The following LSS variants were observed in gnomAD, a reference collection of about 807,000 sequenced individuals.
LSS encodes the protein lanosterol synthase, also known as 2,3-epoxysqualene-lanosterol cyclase.
Under a neutral mutation model 110.3 loss-of-function variants are expected in LSS, and 90 were observed. The observed-to-expected ratio is 0.82, with a 90% CI of 0.69 to 0.97. The LOEUF (loss-of-function observed/expected upper bound fraction) is 0.97. LSS is among the 50% of genes least tolerant of loss of function. LSS has a pLI of 0.00. For synonymous variants in LSS, 433 were observed against 400.0 expected, an observed-to-expected ratio of 1.08 and a Z score of -0.98; for missense variants, 927 against 990.0, an observed-to-expected ratio of 0.94 and a Z score of 0.85.
intron 20 of LSS, chr21:46,192,457 T>C (rs559841461): frequency 2.2e-6 from 1 of 453,200 alleles, no homozygotes; most frequent in African/African-American, 2.0e-5. Flanking sequence ...TTTAGGAAGA[T>C]TCCCCAAATG....
At position 46,209,695 on chromosome 21, in the gene LSS, G is replaced by A. The variant is rs969707404; in HGVS notation, c.1195-70C>T. The A allele has an allele frequency of 4.3e-6, 6 of 1,387,398 alleles. No individual in the cohort carries two copies. The highest frequency in any genetic ancestry group is 1.4e-5 in the African/African-American group (1 of 70,580). 85.9% of individuals were successfully genotyped at this position (1,387,398 alleles called of 1,614,324 possible). On this transcript the variant is annotated intron_variant, in intron 12 of 21. Transcript: ENST00000397728. The surrounding 1 kb of genome is among the most constrained non-coding windows in gnomAD (Gnocchi z 4.4). ...GCCAGCATGGCTGCGCTGGTTTCCC[G>A]ATGGTCCTGGCCACATCCTGCCCCA... is the stretch of plus-strand genomic sequence containing the variant.
At position 46,206,760 on chromosome 21, in the gene LSS, G is replaced by A. The variant is rs1239460730; in HGVS notation, c.1476C>T (p.Asn492=). ...CGAACCCTCCATCTGGATTTCTCAT[G>A]TTCAGCAGCTGAAATCACAGAGAGC... ...RLCDAVAVLL[N]MRNPDGGFAT... is the part of the protein sequence containing the mutation. The change falls in exon 16 of 22, where the codon AAC becomes AAT. Residue 492 remains asparagine (N), a synonymous_variant. Coordinates refer to ENST00000397728, the MANE Select transcript of LSS (RefSeq NM_002340.6). The A allele has an allele frequency of 1.2e-6, 2 of 1,611,242 alleles. No homozygotes were observed. Among genetic ancestry groups the A allele is most frequent in the Non-Finnish European group, 1.7e-6 (2 of 1,179,768 alleles).
rs745479463 is a variant in LSS at position 46,194,572 on chromosome 21, C to A, written c.1907G>T (p.Cys636Phe). Residue 636 changes from cysteine (C) to phenylalanine (F), a missense_variant, in exon 20 of 22, where the codon TGC becomes TTC. Cys to Phe is a radical substitution (Grantham distance 205). Transcript: ENST00000397728. ...ACTCTGCAAATAACGCCGCTCCTCG[C>A]AGGACTCAAAGTCCTCCCCCCAGCC... The part of the protein sequence containing the change: ...DGGWGEDFES[C>F]EERRYLQSAQ... The A allele has an allele frequency of 6.2e-7, 1 of 1,613,786 alleles. No homozygotes were observed. The highest frequency in any genetic ancestry group is 1.1e-5 in the South Asian group (1 of 91,074).
chr21:46,216,256 G>T lies in LSS; in HGVS notation c.783+133C>A. The T allele has an allele frequency of 9.3e-7, 1 of 1,075,892 alleles. No homozygotes were observed. The highest frequency in any genetic ancestry group is 1.4e-6 in the Non-Finnish European group (1 of 723,342). The allele number at this position is 1,075,892 out of a possible 1,614,324, so 66.6% of individuals were successfully genotyped here. On this transcript the variant is annotated intron_variant, in intron 7 of 21. Coordinates refer to ENST00000397728, the MANE Select transcript of LSS (RefSeq NM_002340.6). The surrounding 1 kb of genome is among the most constrained non-coding windows in gnomAD (Gnocchi z 4.2). The stretch of plus-strand genomic sequence containing the variant: ...TATTATAGGATGGAGGAAGGTGGAG[G>T]CTCTGCTCCACAGGGCTCTCCGCTC...
At chr21:46,191,337 A>AGTCAGCCT in intron 21 of LSS, 102 bp from the exon 22 acceptor site, 2 of 1,363,402 alleles carry the variant, frequency 1.5e-6, no homozygotes, top group African/African-American at 2.9e-5. Context: ...CTTGTGGGTG[A>AGTCAGCCT]GTCAGCCTGG....
At position 46,205,886 on chromosome 21, in the gene LSS, C is replaced by T. The variant is rs138736346; in HGVS notation, c.1620G>A (p.Ala540=). 9.9e-6 allele frequency: 16 copies of T among 1,611,292 alleles called. No homozygotes were observed. Among genetic ancestry groups the T allele is most frequent in the Middle Eastern group, 1.6e-4 (1 of 6,078 alleles). The change falls in exon 17 of 22, where the codon GCG becomes GCA. Residue 540 remains alanine (A), a synonymous_variant. Transcript: ENST00000397728. ...GGAAACGCTTGTGGAAATACTTAAG[C>T]GCCTGCATCACGGCTGAGGTGCACT... is the stretch of plus-strand genomic sequence containing the variant. ...YVECTSAVMQ[A]LKYFHKRFPE...
intron 17 of LSS, among the ~76,000 whole-genome samples, chr21:46,197,794 CAGG>C (rs1960162347): frequency 6.6e-6 from 1 of 151,526 alleles, no homozygotes; most frequent in African/African-American, 2.4e-5. Context: ...GAGGCTGAGG[CAGG>C]AGAATGGCGT....
At chr21:46,212,609 G>A (rs1440923770) in intron 11 of LSS, among the ~76,000 whole-genome samples, 3 of 152,136 alleles carry the variant, frequency 2.0e-5, no homozygotes, top group East Asian at 3.9e-4. Context: ...CCGGCCACAC[G>A]CCACCACGGT....
At position 46,222,615 on chromosome 21, in the gene LSS, G is replaced by A. The variant is rs377458161; in HGVS notation, c.428+15C>T. ...ACATGCACATGTGCAGTGACACAGG[G>A]GCAGGCACACTCACAGGCCCCAGCC... On this transcript the variant is annotated intron_variant, in intron 4 of 21. Transcript: ENST00000397728. 11 of 1,603,166 alleles carry A rather than the reference G, an allele frequency of 6.9e-6. No individual in the cohort carries two copies. Among genetic ancestry groups the A allele is most frequent in the Non-Finnish European group, 9.4e-6 (11 of 1,171,920 alleles).
rs200375403 is a variant in LSS at position 46,219,451 on chromosome 21, A to G, written c.647+25T>C. ...TCCCCGGGACAGCAGCAGCGACCCA[A>G]CAACCCAATCAACAGCAGACATACC... On this transcript the variant is annotated intron_variant, in intron 6 of 21. Coordinates refer to ENST00000397728, the MANE Select transcript of LSS (RefSeq NM_002340.6). The G allele has an allele frequency of 1.2e-5, 18 of 1,549,910 alleles. No homozygotes were observed. The East Asian group carries it at 4.3e-4, about 37-fold the overall frequency.
Position 46,216,274 on chromosome 21 carries a change from C to G in LSS, c.783+115G>C, listed in dbSNP as rs2080205308. On this transcript the variant is annotated intron_variant, in intron 7 of 21. Coordinates refer to ENST00000397728, the MANE Select transcript of LSS (RefSeq NM_002340.6). The surrounding 1 kb of genome is among the most constrained non-coding windows in gnomAD (Gnocchi z 4.2). ...GGTGGAGGCTCTGCTCCACAGGGCT[C>G]TCCGCTCCACAGGGCCACCAGGTGA... is the stretch of plus-strand genomic sequence containing the variant. 7.4e-7 allele frequency: 1 copy of G among 1,355,482 alleles called. No individual in the cohort carries two copies. Among genetic ancestry groups the G allele is most frequent in the Non-Finnish European group, 1.0e-6 (1 of 963,316 alleles). 84.0% of individuals were successfully genotyped at this position (1,355,482 alleles called of 1,614,324 possible).
At chr21:46,228,006 C>T (rs1397008046) in intron 2 of LSS, among the ~76,000 whole-genome samples, 1 of 152,190 alleles carries the variant, frequency 6.6e-6, no homozygotes, top group Non-Finnish European at 1.5e-5. Context: ...GGGACTCGGG[C>T]CTCTCAAAGA....
At position 46,206,673 on chromosome 21, in the gene LSS, G is replaced by A. The variant is rs781568431; in HGVS notation, c.1563C>T (p.Phe521=). 7.4e-6 allele frequency: 12 copies of A among 1,611,816 alleles called. No individual in the cohort carries two copies. The highest frequency in any genetic ancestry group is 6.6e-5 in the South Asian group (6 of 91,084). ...LLELLNPSEV[F]GDIMIDYTYV... is the part of the protein sequence containing the mutation. ...CCGCAGTGCTGGCCGACCACTCACCGAAGACCTCCGAGGGGTTCAGCAGCT... is the reference window on the plus strand; with the variant it reads ...CCGCAGTGCTGGCCGACCACTCACCAAAGACCTCCGAGGGGTTCAGCAGCT... The change falls in exon 16 of 22, where the codon TTC becomes TTT. Residue 521 remains phenylalanine, a splice_region_variant and synonymous_variant. Transcript: ENST00000397728.
intron 1 of LSS, 54 bp downstream of exon 1, chr21:46,228,678 T>C: frequency 1.9e-6 from 3 of 1,600,962 alleles, no homozygotes; most frequent in Non-Finnish European, 2.5e-6. Context: ...CGCGCTCTCC[T>C]CAGCACCTAG....
At chr21:46,200,265 A>C (rs1357362083) in intron 17 of LSS, among the ~76,000 whole-genome samples, 1 of 152,228 alleles carries the variant, frequency 6.6e-6, no homozygotes, top group Non-Finnish European at 1.5e-5. Context: ...GGAAGGAATG[A>C]TAATTTTGTA....
chr21:46,212,932 C>A (rs1310134399), intron 11 of LSS, 93 bp downstream of exon 11: 3 of 1,494,144 alleles, frequency 2.0e-6, no homozygotes, highest in Non-Finnish European at 1.9e-6. Context: ...GGACCTGGTC[C>A]AGGAGGAGTT....
intron 6 of LSS, among the ~76,000 whole-genome samples, chr21:46,218,311 A>G (rs2080232694): frequency 6.6e-6 from 1 of 152,124 alleles, no homozygotes; most frequent in East Asian, 1.9e-4. Flanking sequence ...ACTGCTTTCA[A>G]TAGATAGCCA....
intron 3 of LSS, among the ~76,000 whole-genome samples, chr21:46,223,494 G>C (rs952523364): frequency 2.0e-5 from 3 of 152,198 alleles, no homozygotes; most frequent in Non-Finnish European, 4.4e-5. Flanking sequence ...AAACCATCCA[G>C]ACATGCCCTG....
At chr21:46,206,790 T>C in intron 15 of LSS, 22 bp from the exon 16 acceptor site, 1 of 1,587,792 alleles carries the variant, frequency 6.3e-7, no homozygotes, top group Non-Finnish European at 8.6e-7. Flanking sequence ...GAGAGCACCC[T>C]AGAACTCGCC....
Sources: allele counts gnomAD v4.1 joint callset (sites outside exome capture counted in the v4.1 genomes callset), GRCh38; gene constraint gnomAD v4.1.1; non-coding constraint Gnocchi (gnomAD v3.1); transcripts MANE v1.5; gene names NCBI Gene and HGNC (gene_info 2026-07-23, HGNC 2026-07-21).